MYO5B: variants seen among roughly 807,000 people sequenced by gnomAD.
MYO5B encodes unconventional myosin-Vb.
MYO5B carries 143 observed loss-of-function variants against 229.3 expected under a neutral mutation model. That is an observed-to-expected ratio of 0.62 (90% CI 0.54 to 0.72). MYO5B has a LOEUF of 0.72. Among genes scored for constraint, MYO5B ranks in the 30% least tolerant of loss-of-function variants. MYO5B has a pLI of 0.00. For missense variants in MYO5B, 2,321 were observed against 2,331.0 expected, an observed-to-expected ratio of 1.00 and a Z score of 0.09; for synonymous variants, 918 against 885.2, an observed-to-expected ratio of 1.04 and a Z score of -0.66.
chr18:49,924,222 A>G (rs2025105493), intron 17 of MYO5B, among the ~76,000 whole-genome samples: 1 of 152,226 alleles, frequency 6.6e-6, no homozygotes, highest in Admixed American at 6.5e-5. Flanking sequence ...CTACCCAGAT[A>G]GTTACACCCA....
chr18:49,888,213 T>A (rs2024667204), intron 22 of MYO5B, among the ~76,000 whole-genome samples: 1 of 152,114 alleles, frequency 6.6e-6, no homozygotes, highest in African/African-American at 2.4e-5. Context: ...TTACTGGGTG[T>A]TCAGCAGCAT....
intron 12 of MYO5B, among the ~76,000 whole-genome samples, chr18:49,958,214 CTG>C (rs1337162589): frequency 2.0e-5 from 3 of 152,184 alleles, no homozygotes; most frequent in African/African-American, 7.2e-5. Flanking sequence ...AAAAATAAAA[CTG>C]AATTTCACTC....
chr18:49,864,979 A>G (rs575542497), intron 27 of MYO5B, among the ~76,000 whole-genome samples: 18 of 152,334 alleles, frequency 1.2e-4, no homozygotes, highest in African/African-American at 4.3e-4. Flanking sequence ...TGAATGTGCT[A>G]TAGGAACTCA....
At chr18:49,866,770 A>G (rs1402772789) in intron 27 of MYO5B, among the ~76,000 whole-genome samples, 1 of 152,208 alleles carries the variant, frequency 6.6e-6, no homozygotes, top group African/African-American at 2.4e-5. Flanking sequence ...CCTATCAATT[A>G]CACTAAAGTA....
chr18:50,076,004 G>A (rs1409780806), intron 1 of MYO5B, among the ~76,000 whole-genome samples: 1 of 152,198 alleles, frequency 6.6e-6, no homozygotes, highest in African/African-American at 2.4e-5. Context: ...TTGAATCCAC[G>A]AAGGCCTCAA....
chr18:49,988,163 T>A (rs1330638624), intron 7 of MYO5B, among the ~76,000 whole-genome samples: 1 of 152,002 alleles, frequency 6.6e-6, no homozygotes, highest in Non-Finnish European at 1.5e-5. Flanking sequence ...GTGTTTTGGG[T>A]GAAGAGGAGG....
chr18:49,836,953 G>A (rs1386807794), intron 37 of MYO5B, 68 bp from the exon 38 acceptor site: 3 of 1,522,534 alleles, frequency 2.0e-6, no homozygotes, highest in African/African-American at 2.7e-5. Context: ...GGGGACACCT[G>A]TTGTGTTTTG....
intron 15 of MYO5B, 68 bp downstream of exon 15, chr18:49,937,177 T>A: frequency 6.3e-7 from 1 of 1,579,654 alleles, no homozygotes; most frequent in African/African-American, 1.3e-5. Flanking sequence ...CCTGCCGCCA[T>A]CCTTCATCTA....
chr18:50,042,774 C>G (rs2030059527), intron 2 of MYO5B, among the ~76,000 whole-genome samples: 1 of 152,302 alleles, frequency 6.6e-6, no homozygotes, highest in African/African-American at 2.4e-5. Context: ...GCCCTCCTCT[C>G]CCGGGCTCTG....
intron 22 of MYO5B, 111 bp downstream of exon 22, chr18:49,894,830 G>T: frequency 1.1e-6 from 1 of 931,578 alleles, no homozygotes; most frequent in Non-Finnish European, 1.7e-6. Context: ...GTGCACATGA[G>T]CCCAAGACCA....
chr18:49,872,967 T>C (rs1008367339), intron 26 of MYO5B, among the ~76,000 whole-genome samples: 3 of 152,200 alleles, frequency 2.0e-5, no homozygotes, highest in Non-Finnish European at 2.9e-5. Flanking sequence ...CAAGTTACGT[T>C]CCAATTTATG....
chr18:50,083,120 T>C (rs545814296), intron 1 of MYO5B, among the ~76,000 whole-genome samples: 4 of 152,338 alleles, frequency 2.6e-5, no homozygotes, highest in South Asian at 4.1e-4. Context: ...ACTATCAGTT[T>C]ATCATAAAGA....
intron 1 of MYO5B, among the ~76,000 whole-genome samples, chr18:50,127,049 C>T (rs1006516934): frequency 6.6e-6 from 1 of 152,146 alleles, no homozygotes; most frequent in Non-Finnish European, 1.5e-5. Flanking sequence ...TTATTCCAAC[C>T]TCATAAGACC....
intron 1 of MYO5B, among the ~76,000 whole-genome samples, chr18:50,132,260 G>A (rs1006762191): frequency 6.6e-6 from 1 of 152,190 alleles, no homozygotes; most frequent in African/African-American, 2.4e-5. Flanking sequence ...ATGGTTGGAG[G>A]AGCAGAGCAT....
At chr18:50,070,103 C>T (rs1160030789) in intron 1 of MYO5B, among the ~76,000 whole-genome samples, 2 of 149,318 alleles carry the variant, frequency 1.3e-5, no homozygotes, top group African/African-American at 5.0e-5. Flanking sequence ...TTCACTGCAA[C>T]CTCTGCCTCC....
At chr18:50,026,735 T>G (rs2026335526) in intron 4 of MYO5B, among the ~76,000 whole-genome samples, 1 of 152,250 alleles carries the variant, frequency 6.6e-6, no homozygotes, top group African/African-American at 2.4e-5. Context: ...ACCACCACTG[T>G]GCCTGACATT....
chr18:49,989,142 A>G (rs1418187897), intron 7 of MYO5B, among the ~76,000 whole-genome samples: 1 of 152,224 alleles, frequency 6.6e-6, no homozygotes, highest in Non-Finnish European at 1.5e-5. Context: ...CTGGGGCCTA[A>G]CATGGCCTGA....
chr18:49,902,550 T>C (rs2024853347), intron 21 of MYO5B, 44 bp downstream of exon 21: 14 of 1,603,492 alleles, frequency 8.7e-6, no homozygotes, highest in Non-Finnish European at 1.2e-5. Flanking sequence ...AATGCTCCAG[T>C]ACCCAAGCCC....
chr18:50,036,245 C>A (rs1180396671), intron 4 of MYO5B, among the ~76,000 whole-genome samples: 1 of 152,208 alleles, frequency 6.6e-6, no homozygotes, highest in East Asian at 1.9e-4. Context: ...GCCCATCACC[C>A]AACCCATTTT....
Sources: allele counts gnomAD v4.1 joint callset (sites outside exome capture counted in the v4.1 genomes callset), GRCh38; gene constraint gnomAD v4.1.1; transcripts MANE v1.5; gene names NCBI Gene and HGNC (gene_info 2026-07-23, HGNC 2026-07-21).